The following MYLK4 variants were observed in gnomAD, a reference collection of about 807,000 sequenced individuals.
MYLK4 encodes the protein myosin light chain kinase family member 4, also known as caMLCK like.
MYLK4 carries 46 observed loss-of-function variants against 48.1 expected under a neutral mutation model. The observed-to-expected ratio is 0.96, with a 90% confidence interval of 0.75 to 1.22. The LOEUF (loss-of-function observed/expected upper bound fraction) is 1.22, where lower values mean the gene tolerates loss of function less well. Ranked by LOEUF, MYLK4 falls within the 50% of genes most tolerant of loss-of-function variation. The pLI, the probability that MYLK4 is intolerant of heterozygous loss-of-function variation, is 0.00. For synonymous variants in MYLK4, 170 were observed against 180.8 expected (o/e 0.94, Z 0.48); for missense variants, 451 against 486.1 (o/e 0.93, Z 0.68).
chr6:2,746,289 A>G (rs1764093248), intron 2 of MYLK4, among the ~76,000 whole-genome samples: 1 of 151,914 alleles, frequency 6.6e-6, no homozygotes, highest in South Asian at 2.1e-4. Flanking sequence ...AAAGAAAAAA[A>G]GAAAGAAAGA....
intron 2 of MYLK4, among the ~76,000 whole-genome samples, chr6:2,726,116 C>T (rs1301645403): frequency 6.6e-6 from 1 of 152,174 alleles, no homozygotes; most frequent in Non-Finnish European, 1.5e-5. Flanking sequence ...TTATCAGTTG[C>T]AAACATCTCA....
At chr6:2,681,757 T>C (rs1460048685) in intron 7 of MYLK4, among the ~76,000 whole-genome samples, 1 of 152,198 alleles carries the variant, frequency 6.6e-6, no homozygotes, top group African/African-American at 2.4e-5. Context: ...ACCTTTATGA[T>C]GATCTCTGCA....
the MYLK4 span, among the ~76,000 whole-genome samples, chr6:2,764,546 C>CG: frequency 3.6e-5 from 5 of 138,386 alleles, no homozygotes; most frequent in African/African-American, 1.4e-4. Flanking sequence ...TGTTTTAAAA[C>CG]GGGAGACTTA....
At chr6:2,719,603 A>T in intron 2 of MYLK4, among the ~76,000 whole-genome samples, 1 of 152,196 alleles carries the variant, frequency 6.6e-6, no homozygotes, top group Admixed American at 6.5e-5. Context: ...ATTAATTATA[A>T]ATGGCATGAT....
intron 2 of MYLK4, among the ~76,000 whole-genome samples, chr6:2,747,286 T>C (rs985047306): frequency 4.6e-5 from 7 of 152,202 alleles, no homozygotes; most frequent in South Asian, 2.1e-4. Context: ...CTGGATGTAG[T>C]TGGCTGCACA....
intron 2 of MYLK4, among the ~76,000 whole-genome samples, chr6:2,723,937 C>A (rs1314087945): frequency 1.3e-5 from 2 of 152,034 alleles, no homozygotes; most frequent in Non-Finnish European, 2.9e-5. Flanking sequence ...AGGGCAGTGG[C>A]GTGATCTCGG....
At chr6:2,703,665 C>CTTTTTTTTTTTTTTTTTTTTTT (rs3055234) in intron 2 of MYLK4, among the ~76,000 whole-genome samples, 1 of 95,120 alleles carries the variant, frequency 1.1e-5, no homozygotes, top group Non-Finnish European at 1.9e-5. Context: ...TTTGTGAATT[C>CTTTTTTTTTTTTTTTTTTTTTT]TTTTTTTTTT....
At chr6:2,727,441 AG>A (rs1488083594) in intron 2 of MYLK4, among the ~76,000 whole-genome samples, 2 of 152,100 alleles carry the variant, frequency 1.3e-5, no homozygotes, top group East Asian at 3.9e-4. Flanking sequence ...GAGTCTCAGG[AG>A]GGGCCCTGAT....
chr6:2,699,530 C>T (rs1157387904), intron 2 of MYLK4, among the ~76,000 whole-genome samples: 3 of 151,230 alleles, frequency 2.0e-5, no homozygotes, highest in African/African-American at 7.3e-5. Context: ...AACTCCTGAC[C>T]TCGTGATCCA....
At chr6:2,709,769 T>C (rs1762610249) in intron 2 of MYLK4, among the ~76,000 whole-genome samples, 1 of 152,212 alleles carries the variant, frequency 6.6e-6, no homozygotes, top group Non-Finnish European at 1.5e-5. Flanking sequence ...GTGAATTCTG[T>C]AGCCCCAGCC....
At chr6:2,762,446 C>A in the MYLK4 span, among the ~76,000 whole-genome samples, 1 of 152,218 alleles carries the variant, frequency 6.6e-6, no homozygotes, top group African/African-American at 2.4e-5. Flanking sequence ...TTAAGAGATT[C>A]AAGAAATTTG....
Position 2,685,313 on chromosome 6 carries a change from A to C in MYLK4, c.528T>G (p.Ile176Met). The C allele has an allele frequency of 1.2e-6, 2 of 1,613,026 alleles. No individual in the cohort carries two copies. The highest frequency in any genetic ancestry group is 1.3e-5 in the African/African-American group (1 of 74,972). ...ATACGTACTACTCCATGACCAGGAC[A>C]ATGTCGTTCTTAGACTCGAAGGCAT... ...LYDAFESKND[I>M]VLVMEYVDGG... The change falls in exon 6 of 13, where the codon ATT becomes ATG. Residue 176 changes from isoleucine (I) to methionine (M), a missense_variant. Physicochemically the swap from Ile to Met is conservative, Grantham distance 10 (BLOSUM62 1). Coordinates refer to ENST00000274643, the MANE Select transcript of MYLK4 (RefSeq NM_001012418.5). This position sits in a 1 kb window ranked among gnomAD's most constrained non-coding sequence, Gnocchi z 4.5.
intron 2 of MYLK4, among the ~76,000 whole-genome samples, chr6:2,745,058 G>A (rs1217608153): frequency 2.0e-5 from 3 of 152,118 alleles, no homozygotes; most frequent in Non-Finnish European, 4.4e-5. Context: ...GAAAACCAAC[G>A]GAGGAGGAGG....
chr6:2,718,956 T>C (rs1463280062), intron 2 of MYLK4, among the ~76,000 whole-genome samples: 1 of 152,236 alleles, frequency 6.6e-6, no homozygotes, highest in Non-Finnish European at 1.5e-5. Context: ...TCTCCTTTGA[T>C]CCATAAAGTA....
At chr6:2,748,151 A>AT (rs1479786042) in intron 2 of MYLK4, among the ~76,000 whole-genome samples, 1 of 152,224 alleles carries the variant, frequency 6.6e-6, no homozygotes, top group Non-Finnish European at 1.5e-5. Context: ...AACCTGCCTG[A>AT]TAAGAATCAC....
intron 2 of MYLK4, among the ~76,000 whole-genome samples, chr6:2,706,589 T>C (rs1052753080): frequency 2.6e-5 from 4 of 152,224 alleles, no homozygotes; most frequent in African/African-American, 9.6e-5. Context: ...TATTAGCACC[T>C]GTGGTATCGA....
chr6:2,718,074 G>A (rs143301163), intron 2 of MYLK4, among the ~76,000 whole-genome samples: 17 of 152,072 alleles, frequency 1.1e-4, no homozygotes, highest in African/African-American at 2.9e-4. Flanking sequence ...CAGCTACTAC[G>A]GAGGCTGAGG....
intron 12 of MYLK4, among the ~76,000 whole-genome samples, chr6:2,670,901 G>A (rs1760862472): frequency 6.6e-6 from 1 of 152,042 alleles, no homozygotes; most frequent in Non-Finnish European, 1.5e-5. Flanking sequence ...ACAGAAGAGG[G>A]TGTCACTTCC....
intron 2 of MYLK4, among the ~76,000 whole-genome samples, chr6:2,714,997 G>T (rs972249994): frequency 2.0e-5 from 3 of 152,128 alleles, no homozygotes; most frequent in Non-Finnish European, 4.4e-5. Flanking sequence ...GGGCGTGGTG[G>T]CTCACTCCTA....
Sources: allele counts gnomAD v4.1 joint callset (sites outside exome capture counted in the v4.1 genomes callset), GRCh38; gene constraint gnomAD v4.1.1; non-coding constraint Gnocchi (gnomAD v3.1); transcripts MANE v1.5; gene names NCBI Gene and HGNC (gene_info 2026-07-23, HGNC 2026-07-21).